Variants in GALNT13 observed in about 807,000 individuals in gnomAD.
The protein encoded by GALNT13 is UDP-GalNAc:polypeptide N-acetylgalactosaminyltransferase 13.
Under a neutral mutation model 64.2 loss-of-function variants are expected in GALNT13, and 28 were observed. The observed-to-expected ratio is 0.44, with a 90% CI of 0.32 to 0.60. GALNT13 has a LOEUF of 0.60. GALNT13 is among the 20% of genes least tolerant of loss of function. The pLI is 0.05. For missense variants in GALNT13, 577 were observed against 669.8 expected (o/e 0.86, Z 1.53); for synonymous variants, 214 against 224.6 (o/e 0.95, Z 0.42).
chr2:154,227,981 A>C (rs1165271360), intron 4 of GALNT13, among the ~76,000 whole-genome samples: 1 of 152,126 alleles, frequency 6.6e-6, no homozygotes, highest in African/African-American at 2.4e-5. Flanking sequence ...ATTCTCAATC[A>C]CTGTAAATGT....
chr2:154,155,363 T>G (rs956331700), intron 4 of GALNT13, among the ~76,000 whole-genome samples: 5 of 152,090 alleles, frequency 3.3e-5, no homozygotes, highest in Admixed American at 6.5e-5. Context: ...AAGATTTGTT[T>G]TAGTAAACAT....
At chr2:153,842,300 T>G in the GALNT13 span, among the ~76,000 whole-genome samples, 1 of 152,016 alleles carries the variant, frequency 6.6e-6, no homozygotes, top group Non-Finnish European at 1.5e-5. Flanking sequence ...GGCTAAAACA[T>G]TGAACAAAAA....
the GALNT13 span, among the ~76,000 whole-genome samples, chr2:153,084,964 T>G: frequency 2.0e-5 from 3 of 152,176 alleles, no homozygotes; most frequent in African/African-American, 7.2e-5. Context: ...GTTTGGAACT[T>G]CCTAGAGACT....
chr2:153,722,583 A>T, the GALNT13 span, among the ~76,000 whole-genome samples: 1 of 151,932 alleles, frequency 6.6e-6, no homozygotes, highest in Non-Finnish European at 1.5e-5. Flanking sequence ...AGAAAAAAAG[A>T]AGAATCAAAT....
intron 8 of GALNT13, among the ~76,000 whole-genome samples, chr2:154,279,837 C>T (rs1283312236): frequency 1.3e-5 from 2 of 151,826 alleles, no homozygotes; most frequent in African/African-American, 4.8e-5. Flanking sequence ...GTATTAATTT[C>T]CTTCTTAGGA....
chr2:153,345,720 T>TCTTTCCTC, the GALNT13 span, among the ~76,000 whole-genome samples: 2 of 16,700 alleles, frequency 1.2e-4, no homozygotes, highest in African/African-American at 5.1e-4. Context: ...TCTCTTTCTG[T>TCTTTCCTC]CCTTCCTTCC....
chr2:154,215,803 A>C (rs925435626), intron 4 of GALNT13, among the ~76,000 whole-genome samples: 14 of 152,106 alleles, frequency 9.2e-5, no homozygotes, highest in African/African-American at 2.7e-4. Context: ...ATGAATAACA[A>C]TCTTTAAAAG....
the GALNT13 span, among the ~76,000 whole-genome samples, chr2:153,171,165 C>T: frequency 2.0e-5 from 3 of 152,302 alleles, no homozygotes; most frequent in East Asian, 3.9e-4. Flanking sequence ...ATGGTCGTCT[C>T]GTTGCCTTTG....
At chr2:153,566,353 T>G in the GALNT13 span, among the ~76,000 whole-genome samples, 26 of 12,750 alleles carry the variant, frequency 2.0e-3, 1 homozygote, top group Admixed American at 6.1e-3. Flanking sequence ...ATCACGTTTT[T>G]TTTTTTTTTT....
the GALNT13 span, among the ~76,000 whole-genome samples, chr2:153,548,892 A>G: frequency 1.3e-5 from 2 of 152,234 alleles, no homozygotes; most frequent in Admixed American, 1.3e-4. Context: ...GATTGAGCAG[A>G]TTAAAAATTT....
rs935411215 is a variant in GALNT13, at chr2:154,242,698, AT to A, written c.483del (p.Leu162SerfsTer3). Reference protein sequence around the residue: ...VILVDDASERDFLKLTLENYV... With the variant: ...VILVDDASERXFLKLTLENYV... ...TTATAAATTCTTATACATGTTACAG[AT>A]TTTCTCAAGTTGACATTAGAGAATT... On this transcript the variant is annotated frameshift_variant and splice_region_variant, in exon 6 of 13. Coordinates refer to ENST00000392825, the MANE Select transcript of GALNT13 (RefSeq NM_052917.4). LOFTEE classifies it high-confidence loss of function. The A allele has an allele frequency of 3.7e-6, 6 of 1,601,584 alleles. No homozygotes were observed. Among genetic ancestry groups the A allele is most frequent in the Non-Finnish European group, 5.1e-6 (6 of 1,168,920 alleles).
chr2:154,290,462 C>G (rs1692540898), intron 8 of GALNT13, among the ~76,000 whole-genome samples: 1 of 152,196 alleles, frequency 6.6e-6, no homozygotes, highest in South Asian at 2.1e-4. Context: ...TAGGAGCAAG[C>G]CAGAGAAGAA....
chr2:153,093,512 T>A, the GALNT13 span, among the ~76,000 whole-genome samples: 5 of 152,278 alleles, frequency 3.3e-5, no homozygotes, highest in East Asian at 9.6e-4. Flanking sequence ...GTGCTAGGAT[T>A]ACAGGCATGA....
At chr2:153,237,511 ACTGT>A in the GALNT13 span, among the ~76,000 whole-genome samples, 1 of 151,972 alleles carries the variant, frequency 6.6e-6, no homozygotes, top group South Asian at 2.1e-4. Flanking sequence ...CCATCATCCT[ACTGT>A]CTGTCTCTAT....
chr2:153,830,496 T>C, the GALNT13 span, among the ~76,000 whole-genome samples: 1 of 152,168 alleles, frequency 6.6e-6, no homozygotes, highest in African/African-American at 2.4e-5. Context: ...GCCTTTAATA[T>C]TGCCAGTATT....
At chr2:153,420,478 AT>A in the GALNT13 span, among the ~76,000 whole-genome samples, 1 of 152,024 alleles carries the variant, frequency 6.6e-6, no homozygotes, top group African/African-American at 2.4e-5. Flanking sequence ...GTATATGGAA[AT>A]TTTATTTTAT....
the GALNT13 span, among the ~76,000 whole-genome samples, chr2:153,359,574 A>G: frequency 1.4e-5 from 2 of 143,202 alleles, no homozygotes; most frequent in African/African-American, 5.1e-5. Context: ...GAGAGAGTGA[A>G]GATGTGAGCA....
intron 3 of GALNT13, among the ~76,000 whole-genome samples, chr2:153,996,385 T>C (rs1394874469): frequency 6.6e-6 from 1 of 152,176 alleles, no homozygotes; most frequent in African/African-American, 2.4e-5. Context: ...TGGGATAAGG[T>C]GATATCTTAT....
chr2:154,147,968 G>A (rs1683723320), intron 4 of GALNT13, among the ~76,000 whole-genome samples: 2 of 150,828 alleles, frequency 1.3e-5, no homozygotes, highest in African/African-American at 2.4e-5. Flanking sequence ...TACACAATGT[G>A]CAGGTTAGTT....
Sources: allele counts gnomAD v4.1 joint callset (sites outside exome capture counted in the v4.1 genomes callset), GRCh38; gene constraint gnomAD v4.1.1; transcripts MANE v1.5; gene names NCBI Gene and HGNC (gene_info 2026-07-23, HGNC 2026-07-21).